Variants in AKAP19 observed in about 807,000 individuals in gnomAD.
AKAP19 encodes A-kinase anchoring protein 19, also known as small A-kinase anchoring protein.
chr2:189,987,922 A>G, the AKAP19 span, among the ~76,000 whole-genome samples: 4 of 152,068 alleles, frequency 2.6e-5, no homozygotes, highest in Admixed American at 2.6e-4. Flanking sequence ...GCTGTGCGGG[A>G]GACCAGATTT....
At chr2:189,984,233 T>C in the AKAP19 span, among the ~76,000 whole-genome samples, 1 of 152,172 alleles carries the variant, frequency 6.6e-6, no homozygotes, top group Non-Finnish European at 1.5e-5. Context: ...TATGGGAGAC[T>C]GGAGTCTATC....
chr2:190,021,174 T>C, the AKAP19 span, among the ~76,000 whole-genome samples: 1 of 152,236 alleles, frequency 6.6e-6, no homozygotes, highest in Non-Finnish European at 1.5e-5. Context: ...CCTATTGCTA[T>C]GCCAATATCA....
the AKAP19 span, among the ~76,000 whole-genome samples, chr2:190,146,495 A>C: frequency 6.6e-6 from 1 of 152,110 alleles, no homozygotes; most frequent in Non-Finnish European, 1.5e-5. Context: ...ATTATGACTT[A>C]TTTTCCTCTG....
the AKAP19 span, among the ~76,000 whole-genome samples, chr2:189,943,227 T>A: frequency 2.0e-5 from 3 of 152,358 alleles, no homozygotes; most frequent in South Asian, 2.1e-4. Context: ...AGGGCTCTGC[T>A]GCTCTGCACA....
At chr2:190,174,166 A>G in the AKAP19 span, among the ~76,000 whole-genome samples, 1 of 152,180 alleles carries the variant, frequency 6.6e-6, no homozygotes. Context: ...CTGCATTAGG[A>G]ATAAGACCCC....
chr2:189,900,916 A>C, the AKAP19 span, among the ~76,000 whole-genome samples: 1 of 152,170 alleles, frequency 6.6e-6, no homozygotes. Context: ...TACGTACGCT[A>C]CTGATAACAC....
At chr2:190,175,996 C>A in the AKAP19 span, among the ~76,000 whole-genome samples, 1 of 152,186 alleles carries the variant, frequency 6.6e-6, no homozygotes, top group Non-Finnish European at 1.5e-5. Context: ...CCAGCCCTCA[C>A]CAGAAAACCT....
chr2:189,912,985 A>G, the AKAP19 span, among the ~76,000 whole-genome samples: 8 of 152,170 alleles, frequency 5.3e-5, no homozygotes, highest in Non-Finnish European at 8.8e-5. Context: ...ATTTAAAATC[A>G]TCTATACCTG....
At chr2:189,918,720 G>A in the AKAP19 span, among the ~76,000 whole-genome samples, 1 of 152,100 alleles carries the variant, frequency 6.6e-6, no homozygotes, top group African/African-American at 2.4e-5. Context: ...GTTCATAGCA[G>A]CACTATTCAC....
At chr2:190,087,584 C>T in the AKAP19 span, among the ~76,000 whole-genome samples, 1 of 152,244 alleles carries the variant, frequency 6.6e-6, no homozygotes, top group African/African-American at 2.4e-5. Context: ...TCAGGCCTCC[C>T]TTTAACCATT....
the AKAP19 span, among the ~76,000 whole-genome samples, chr2:190,044,496 G>A: frequency 1.3e-5 from 2 of 152,200 alleles, no homozygotes; most frequent in East Asian, 3.9e-4. Context: ...GTTAGTCCAA[G>A]GGTGTCAAGG....
chr2:190,201,037 G>T, the AKAP19 span: 1 of 161,230 alleles, frequency 6.2e-6, no homozygotes, highest in Admixed American at 6.8e-5. Context: ...TAGTAAGGCG[G>T]TCACCATTAA....
chr2:190,200,165 C>A, the AKAP19 span: 1 of 1,603,754 alleles, frequency 6.2e-7, no homozygotes, highest in East Asian at 2.2e-5. Context: ...AGGATGACAA[C>A]ACTTTGACTG....
chr2:190,036,124 A>C, the AKAP19 span, among the ~76,000 whole-genome samples: 1 of 152,190 alleles, frequency 6.6e-6, no homozygotes, highest in Admixed American at 6.5e-5. Context: ...GTTACTAATA[A>C]ATCTTTGATT....
chr2:189,900,023 G>T, the AKAP19 span, among the ~76,000 whole-genome samples: 1 of 151,866 alleles, frequency 6.6e-6, no homozygotes, highest in Admixed American at 6.6e-5. Flanking sequence ...TTGCTTTTCT[G>T]GTTTGTCAAT....
At chr2:190,132,800 T>A in the AKAP19 span, among the ~76,000 whole-genome samples, 1 of 151,934 alleles carries the variant, frequency 6.6e-6, no homozygotes, top group South Asian at 2.1e-4. Flanking sequence ...TACATCAAAC[T>A]AAAAAGCTCT....
chr2:190,155,470 C>G, the AKAP19 span, among the ~76,000 whole-genome samples: 1 of 152,016 alleles, frequency 6.6e-6, no homozygotes, highest in Non-Finnish European at 1.5e-5. Context: ...AAAATTAATA[C>G]AATATAATGA....
the AKAP19 span, among the ~76,000 whole-genome samples, chr2:190,142,564 G>A: frequency 1.3e-5 from 2 of 152,170 alleles, no homozygotes; most frequent in Non-Finnish European, 2.9e-5. Context: ...GAGCTTCTCT[G>A]GACCAGAGGC....
the AKAP19 span, among the ~76,000 whole-genome samples, chr2:189,981,851 G>T: frequency 1.3e-3 from 197 of 152,188 alleles, 2 homozygotes; most frequent in African/African-American, 4.4e-3. Flanking sequence ...TGGTTTGTAA[G>T]GTTTCTGCTG....
Sources: allele counts gnomAD v4.1 joint callset (sites outside exome capture counted in the v4.1 genomes callset), GRCh38; gene constraint gnomAD v4.1.1; transcripts MANE v1.5; gene names NCBI Gene and HGNC (gene_info 2026-07-23, HGNC 2026-07-21).